PLCB1: variants seen among roughly 807,000 people sequenced by gnomAD.
PLCB1 encodes the protein phospholipase C beta 1, also known as 1-phosphatidylinositol 4,5-bisphosphate phosphodiesterase beta-1.
Under a neutral mutation model 161.8 loss-of-function variants are expected in PLCB1, and 46 were observed. The ratio of observed to expected loss-of-function variants is 0.28; its 90% CI spans 0.22 to 0.36. The LOEUF is 0.36. Among genes scored for constraint, PLCB1 ranks in the 10% least tolerant of loss-of-function variants. The pLI, the probability that PLCB1 is intolerant of heterozygous loss-of-function variation, is 1.00. For synonymous variants in PLCB1, 517 were observed against 503.7 expected (o/e 1.03, Z -0.35); for missense variants, 1,016 against 1,472.5 (o/e 0.69, Z 5.07).
intron 23 of PLCB1, among the ~76,000 whole-genome samples, chr20:8,744,466 G>C (rs74724646): frequency 2.0e-5 from 3 of 151,744 alleles, no homozygotes; most frequent in Non-Finnish European, 4.4e-5. Context: ...CAAATAGCTG[G>C]GTGTGCTGAC....
intron 2 of PLCB1, among the ~76,000 whole-genome samples, chr20:8,268,134 C>T (rs6039115): frequency 0.024 from 3,647 of 151,922 alleles, 133 homozygotes; most frequent in African/African-American, 0.083. Flanking sequence ...ACCTCATGAC[C>T]GGCCCCGGTG....
At chr20:8,767,332 G>T in intron 26 of PLCB1, among the ~76,000 whole-genome samples, 1 of 152,162 alleles carries the variant, frequency 6.6e-6, no homozygotes, top group Non-Finnish European at 1.5e-5. Flanking sequence ...ATGGGCCCTG[G>T]TCTATAATCA....
intron 31 of PLCB1, among the ~76,000 whole-genome samples, chr20:8,842,936 A>G (rs543529379): frequency 6.6e-6 from 1 of 152,314 alleles, no homozygotes; most frequent in South Asian, 2.1e-4. Context: ...TGGAGGCAGA[A>G]ATTGGGTATA....
At chr20:8,559,103 G>A (rs1986058415) in intron 3 of PLCB1, among the ~76,000 whole-genome samples, 1 of 151,748 alleles carries the variant, frequency 6.6e-6, no homozygotes, top group African/African-American at 2.4e-5. Context: ...TGATTTAAAA[G>A]ACAGATATAT....
intron 3 of PLCB1, among the ~76,000 whole-genome samples, chr20:8,380,369 G>A (rs1202859400): frequency 2.6e-5 from 4 of 152,198 alleles, no homozygotes; most frequent in South Asian, 4.1e-4. Context: ...ATAGTTTGAA[G>A]TCAGCTAGTG....
intron 3 of PLCB1, among the ~76,000 whole-genome samples, chr20:8,492,341 C>T (rs1451577859): frequency 6.6e-6 from 1 of 152,100 alleles, no homozygotes; most frequent in African/African-American, 2.4e-5. Flanking sequence ...TTTTATGTAG[C>T]TTGCATTGTT....
At chr20:8,640,822 G>A (rs1281012059) in intron 4 of PLCB1, among the ~76,000 whole-genome samples, 4 of 152,094 alleles carry the variant, frequency 2.6e-5, no homozygotes, top group Non-Finnish European at 4.4e-5. Flanking sequence ...ACATCTCTCC[G>A]TTCTTCTACT....
chr20:8,389,217 C>T (rs937043853), intron 3 of PLCB1, among the ~76,000 whole-genome samples: 10 of 152,226 alleles, frequency 6.6e-5, no homozygotes, highest in Admixed American at 2.0e-4. Flanking sequence ...GTTAAATCTG[C>T]ATGTTTAGGC....
intron 2 of PLCB1, among the ~76,000 whole-genome samples, chr20:8,239,816 G>T (rs900957930): frequency 6.6e-6 from 1 of 151,940 alleles, no homozygotes; most frequent in African/African-American, 2.4e-5. Context: ...TTAGCACTGT[G>T]GCCACTAATG....
intron 15 of PLCB1, among the ~76,000 whole-genome samples, chr20:8,722,658 A>G (rs2123478482): frequency 6.6e-6 from 1 of 152,290 alleles, no homozygotes; most frequent in South Asian, 2.1e-4. Flanking sequence ...TTAATTTTGG[A>G]ACACTAGAGC....
chr20:8,478,456 C>T (rs1360625885), intron 3 of PLCB1, among the ~76,000 whole-genome samples: 1 of 152,054 alleles, frequency 6.6e-6, no homozygotes, highest in Non-Finnish European at 1.5e-5. Flanking sequence ...AAGATGTGGA[C>T]ATTCCATTGA....
At chr20:8,704,211 T>G (rs1235375151) in intron 11 of PLCB1, among the ~76,000 whole-genome samples, 3 of 152,144 alleles carry the variant, frequency 2.0e-5, no homozygotes, top group Non-Finnish European at 4.4e-5. Context: ...AAAAATTGTC[T>G]GGGTGTGGTG....
intron 3 of PLCB1, among the ~76,000 whole-genome samples, chr20:8,407,802 A>G (rs1021163393): frequency 2.0e-5 from 3 of 152,106 alleles, no homozygotes; most frequent in Admixed American, 6.5e-5. Context: ...TGTAATAATG[A>G]CATTATCTGC....
intron 31 of PLCB1, among the ~76,000 whole-genome samples, chr20:8,862,662 C>G (rs1325343542): frequency 6.6e-6 from 1 of 152,092 alleles, no homozygotes; most frequent in Non-Finnish European, 1.5e-5. Flanking sequence ...AGATCTCCAG[C>G]CCAAACATTT....
intron 2 of PLCB1, among the ~76,000 whole-genome samples, chr20:8,255,169 G>A (rs727684): frequency 0.35 from 53,783 of 151,826 alleles, 9,615 homozygotes; most frequent in East Asian, 0.44. Context: ...TTGACCCACG[G>A]GTAGGTTATG....
At chr20:8,165,165 G>A (rs2051662804) in intron 2 of PLCB1, among the ~76,000 whole-genome samples, 1 of 152,192 alleles carries the variant, frequency 6.6e-6, no homozygotes, top group Non-Finnish European at 1.5e-5. Flanking sequence ...CCATCATGAG[G>A]AAAGAACATG....
intron 23 of PLCB1, among the ~76,000 whole-genome samples, chr20:8,745,299 G>T (rs1333185010): frequency 6.6e-6 from 1 of 152,138 alleles, no homozygotes; most frequent in African/African-American, 2.4e-5. Flanking sequence ...CTGAAAATAA[G>T]TAACTGTGGT....
chr20:8,330,264 A>G (rs948991740), intron 2 of PLCB1, among the ~76,000 whole-genome samples: 2 of 152,154 alleles, frequency 1.3e-5, no homozygotes, highest in Non-Finnish European at 2.9e-5. Flanking sequence ...GAGAGCAGAT[A>G]TTACTCTCAT....
intron 2 of PLCB1, among the ~76,000 whole-genome samples, chr20:8,223,269 A>G (rs923725033): frequency 3.3e-5 from 5 of 152,096 alleles, no homozygotes; most frequent in African/African-American, 1.2e-4. Context: ...GAACATTTAT[A>G]TTGTCTCACA....
Sources: allele counts gnomAD v4.1 joint callset (sites outside exome capture counted in the v4.1 genomes callset), GRCh38; gene constraint gnomAD v4.1.1; transcripts MANE v1.5; gene names NCBI Gene and HGNC (gene_info 2026-07-23, HGNC 2026-07-21).